KYAT3: variants seen among roughly 807,000 people sequenced by gnomAD.
KYAT3 encodes the protein kynurenine--oxoglutarate transaminase 3.
A neutral mutation model predicts 59.0 loss-of-function variants in KYAT3; 50 were observed. The ratio of observed to expected loss-of-function variants is 0.85; its 90% confidence interval spans 0.68 to 1.07. The LOEUF is 1.07. Ranked by LOEUF, KYAT3 falls within the 50% of genes least tolerant of loss-of-function variation. The pLI is 0.00. For synonymous variants in KYAT3, 148 were observed against 177.0 expected (o/e 0.84, Z 1.30); for missense variants, 497 against 533.3 (o/e 0.93, Z 0.67).
At position 88,943,002 on chromosome 1, in the gene KYAT3, T is replaced by C. The variant is rs1675297966; in HGVS notation, c.1302+3A>G. 9.4e-6 allele frequency: 15 copies of C among 1,599,814 alleles called. No homozygotes were observed. The highest frequency in any genetic ancestry group is 2.7e-5 in the African/African-American group (2 of 74,510). ...TGTGTTTTCAATAGAGCAGGGAACT[T>C]ACTTTAATGAAGCAAAAACGCACAA... On this transcript the variant is annotated splice_donor_region_variant and intron_variant, in intron 13 of 13. Transcript: ENST00000260508.
rs556396361 is a variant in KYAT3 at position 88,936,802 on chromosome 1, G to C, written c.1303-557C>G. 3.3e-5 allele frequency among the ~76,000 whole-genome samples: 5 copies of C among 152,346 alleles called. No individual in the cohort carries two copies. The East Asian group carries it at 9.6e-4, about 29-fold the overall frequency. ...AAAATTAAACAGAGGTGTAAGCAGA[G>C]AAAATCCAGCCTTCTGTTGTTCATC... On this transcript the variant is annotated intron_variant, in intron 13 of 13. Coordinates refer to ENST00000260508, the MANE Select transcript of KYAT3 (RefSeq NM_001008661.3).
intron 3 of KYAT3, 34 bp from the exon 4 acceptor site, chr1:88,968,848 T>C (rs758060591): frequency 3.2e-4 from 474 of 1,493,860 alleles, no homozygotes; most frequent in Non-Finnish European, 4.1e-4. Flanking sequence ...ATTAATAAGT[T>C]CTACAATTAT....
intron 2 of KYAT3, chr1:88,983,422 G>A (rs369070385): frequency 5.6e-6 from 9 of 1,614,166 alleles, no homozygotes; most frequent in Non-Finnish European, 7.6e-6. Flanking sequence ...TAAAATTCAT[G>A]GAATATCCAC....
rs201275725 is a variant in KYAT3 at position 88,960,613 on chromosome 1, C to T, written c.787+554G>A. On this transcript the variant is annotated intron_variant, in intron 8 of 13. Transcript: ENST00000260508. The stretch of plus-strand genomic sequence containing the variant: ...TGGATACCTGGAGGAAAAGTGTTTC[C>T]AGGCAAAGGAAAGGGAGGTGCGAAG... 1.9e-4 allele frequency among the ~76,000 whole-genome samples: 29 copies of T among 152,164 alleles called. No individual in the cohort carries two copies. In the South Asian group the frequency reaches 5.6e-3, roughly 29 times the overall value.
Position 88,983,988 on chromosome 1 carries a change from G to A in KYAT3, c.99+4264C>T, listed in dbSNP as rs1316064204. On this transcript the variant is annotated intron_variant, in intron 2 of 13. Coordinates refer to ENST00000260508, the MANE Select transcript of KYAT3 (RefSeq NM_001008661.3). Reference sequence around the variant, plus strand: ...ACTGCGCAATCTGGATGCTTTTTAAGGTATGGCTATCCATTCAAAAAACCA... The same window carrying A: ...ACTGCGCAATCTGGATGCTTTTTAAAGTATGGCTATCCATTCAAAAAACCA... 4.9e-6 allele frequency: 3 copies of A among 606,964 alleles called. No homozygotes were observed. The East Asian group carries it at 8.4e-5, about 17-fold the overall frequency. 37.6% of individuals were successfully genotyped at this position (606,964 alleles called of 1,614,324 possible). A position where few individuals can be genotyped will look rare whatever the true frequency, so the allele number is the denominator to read the frequency against.
the KYAT3 span, among the ~76,000 whole-genome samples, chr1:88,925,750 TAGAG>T: frequency 3.7e-4 from 51 of 136,966 alleles, no homozygotes; most frequent in South Asian, 2.6e-3. Context: ...ACAGAGGAGA[TAGAG>T]AGAGAGAGAT....
chr1:88,963,579 T>C (rs1326009475), intron 5 of KYAT3, among the ~76,000 whole-genome samples: 1 of 152,246 alleles, frequency 6.6e-6, no homozygotes, highest in Admixed American at 6.5e-5. Context: ...AATGTCTCTC[T>C]GGAGCTTTCC....
intron 2 of KYAT3, chr1:88,980,464 C>G (rs1246531423): frequency 1.3e-5 from 2 of 150,282 alleles, no homozygotes; most frequent in South Asian, 2.1e-4. Flanking sequence ...TATTAAGTTT[C>G]AATACAAAAC....
intron 2 of KYAT3, chr1:88,981,342 C>G (rs1677078800): frequency 6.6e-6 from 1 of 152,216 alleles, no homozygotes. Flanking sequence ...ATCTTAAGTT[C>G]TAAATTGAAG....
the KYAT3 span, among the ~76,000 whole-genome samples, chr1:88,930,319 C>T: frequency 6.6e-6 from 1 of 152,224 alleles, no homozygotes; most frequent in Non-Finnish European, 1.5e-5. Context: ...ACTTAAATAT[C>T]AGGCTCTATT....
chr1:88,926,464 C>A, the KYAT3 span, among the ~76,000 whole-genome samples: 1 of 152,174 alleles, frequency 6.6e-6, no homozygotes, highest in Non-Finnish European at 1.5e-5. Context: ...CAGGTGTGTG[C>A]CACCATACCT....
At chr1:88,955,074 A>C in intron 9 of KYAT3, 75 bp downstream of exon 9, 1 of 1,026,012 alleles carries the variant, frequency 9.7e-7, no homozygotes, top group Admixed American at 1.8e-5. Flanking sequence ...CCAGCATTTA[A>C]AACACAAACC....
chr1:88,946,314 A>G (rs1446345846), intron 11 of KYAT3, among the ~76,000 whole-genome samples: 1 of 127,900 alleles, frequency 7.8e-6, no homozygotes, highest in Non-Finnish European at 1.6e-5. Context: ...TTTCCCTCCT[A>G]TGTGTAACTG....
In KYAT3 at chr1:88,969,612, T is replaced by C. The variant is rs1317779468; in HGVS notation, c.100-145A>G. 8.5e-6 allele frequency: 5 copies of C among 585,174 alleles called. 1 individual carries two copies. The Admixed American group carries it at 1.7e-4, about 20-fold the overall frequency. 36.2% of individuals were successfully genotyped at this position (585,174 alleles called of 1,614,324 possible). A position where few individuals can be genotyped will look rare whatever the true frequency, so the allele number is the denominator to read the frequency against. On this transcript the variant is annotated intron_variant, in intron 2 of 13. Transcript: ENST00000260508. ...ATAAATCTTAGACTCCAACACAAAA[T>C]TCTGAAGAGGAATTCATCTCCCACC...
chr1:88,925,355 G>A, the KYAT3 span, among the ~76,000 whole-genome samples: 2 of 152,196 alleles, frequency 1.3e-5, no homozygotes, highest in Non-Finnish European at 1.5e-5. Context: ...TCTTGAAAGT[G>A]TAGCCCCAAA....
intron 8 of KYAT3, among the ~76,000 whole-genome samples, chr1:88,958,786 T>C (rs781528398): frequency 3.3e-5 from 5 of 152,244 alleles, no homozygotes; most frequent in Non-Finnish European, 5.9e-5. Flanking sequence ...AAATTGCTAT[T>C]ACTTTCAGGA....
At chr1:88,961,944 C>A in intron 6 of KYAT3, 115 bp downstream of exon 6, 1 of 737,578 alleles carries the variant, frequency 1.4e-6, no homozygotes, top group South Asian at 1.6e-5. Flanking sequence ...TAGAGATATA[C>A]AGGAAATCTC....
In KYAT3 at chr1:88,949,242, C is replaced by T. The variant is rs779399644; in HGVS notation, c.990G>A (p.Lys330=). Reference sequence around the variant, plus strand: ...AGTAACATTCTGGGTCATCCATGCGCTTGATGTCAATCCAGAAAGCTTGAG... The same window carrying T: ...AGTAACATTCTGGGTCATCCATGCGTTTGATGTCAATCCAGAAAGCTTGAG... The part of the protein sequence containing the change: ...ALAQAFWIDI[K]RMDDPECYFN... The change falls in exon 11 of 14, where the codon AAG becomes AAA. Residue 330 remains lysine (K), a synonymous_variant. Coordinates refer to ENST00000260508, the MANE Select transcript of KYAT3 (RefSeq NM_001008661.3). 1.3e-6 allele frequency: 2 copies of T among 1,581,374 alleles called. No homozygotes were observed. The highest frequency in any genetic ancestry group is 2.3e-5 in the East Asian group (1 of 43,608).
At chr1:88,936,327 T>C (rs1675037264) in intron 13 of KYAT3, 82 bp from the exon 14 acceptor site, 2 of 1,087,652 alleles carry the variant, frequency 1.8e-6, no homozygotes, top group Non-Finnish European at 2.7e-6. Context: ...TACAACATAA[T>C]GAAGATTTAA....
Sources: gnomAD v4.1 joint callset for allele counts (sites outside exome capture counted in the v4.1 genomes callset) on GRCh38, gnomAD v4.1.1 for gene constraint, MANE v1.5 for transcripts, NCBI Gene and HGNC (gene_info 2026-07-23, HGNC 2026-07-21) for gene names.